The following ST6GALNAC2 variants were observed in gnomAD, a reference collection of about 807,000 sequenced individuals.
The protein encoded by ST6GALNAC2 is alpha-N-acetylgalactosaminide alpha-2,6-sialyltransferase 2.
In ST6GALNAC2, 42 loss-of-function variants were observed where a neutral mutation model predicts 38.7. That is an observed-to-expected ratio of 1.09 (90% CI 0.85 to 1.40). The LOEUF (loss-of-function observed/expected upper bound fraction) is 1.40, where lower values mean the gene tolerates loss of function less well. Among genes scored for constraint, ST6GALNAC2 ranks in the 40% most tolerant of loss-of-function variants. The pLI, the probability that ST6GALNAC2 is intolerant of heterozygous loss-of-function variation, is 0.00. For synonymous variants in ST6GALNAC2, 233 were observed against 209.0 expected, an observed-to-expected ratio of 1.11 and a Z score of -0.99; for missense variants, 506 against 481.7, an observed-to-expected ratio of 1.05 and a Z score of -0.47.
At chr17:76,584,633 G>A (rs909824298) in intron 1 of ST6GALNAC2, among the ~76,000 whole-genome samples, 16 of 152,160 alleles carry the variant, frequency 1.1e-4, no homozygotes, top group African/African-American at 3.1e-4. Flanking sequence ...TTAAGTCACC[G>A]TGGCGGGGCA....
At position 76,572,715 on chromosome 17, in the gene ST6GALNAC2, A is replaced by G. The variant is rs2143299709; in HGVS notation, c.591T>C (p.Tyr197=). ...ERDVGTKTSF[Y]GFTVNTMKNS... is the part of the protein sequence containing the mutation. ...TCTTCATCGTGTTCACAGTGAAACC[A>G]TAGAAGGAAGTCTTGGTGCCCACAT... Residue 197 remains tyrosine (Y), a synonymous_variant, in exon 5 of 9, where the codon TAT becomes TAC. Transcript: ENST00000225276. 2 of 1,614,166 alleles carry G rather than the reference A, an allele frequency of 1.2e-6. No homozygotes were observed. Among genetic ancestry groups the G allele is most frequent in the South Asian group, 1.1e-5 (1 of 91,086 alleles).
intron 6 of ST6GALNAC2, 57 bp downstream of exon 6, chr17:76,570,508 C>G: frequency 7.8e-7 from 1 of 1,279,850 alleles, no homozygotes; most frequent in East Asian, 2.4e-5. Context: ...AAGGAGATAA[C>G]CACAGTGTCC....
chr17:76,572,846 C>T (rs554121233), intron 4 of ST6GALNAC2, 71 bp from the exon 5 acceptor site: 294 of 1,571,710 alleles, frequency 1.9e-4, no homozygotes, highest in Non-Finnish European at 1.9e-5. Context: ...ATCTCCACGG[C>T]TCTGCCTGGC....
At chr17:76,569,391 G>A (rs977921635) in intron 6 of ST6GALNAC2, 3 of 394,346 alleles carry the variant, frequency 7.6e-6, no homozygotes, top group Non-Finnish European at 1.3e-5. Context: ...GAGATTTGGA[G>A]GTGGGTGGGG....
intron 6 of ST6GALNAC2, chr17:76,569,339 GGGAA>G (rs1451006203): frequency 2.5e-6 from 1 of 394,016 alleles, no homozygotes; most frequent in African/African-American, 2.1e-5. Flanking sequence ...GCGGGGGTTA[GGGAA>G]GGGTTTCGAG....
At position 76,578,823 on chromosome 17, in the gene ST6GALNAC2, G is replaced by A. The variant is rs1310077098; in HGVS notation, c.126-7C>T. 6.2e-7 allele frequency: 1 copy of A among 1,611,792 alleles called. No individual in the cohort carries two copies. The highest frequency in any genetic ancestry group is 8.5e-7 in the Non-Finnish European group (1 of 1,179,046). ...TTCAAATGATGTGGTGTCCCTGGGG[G>A]AAAAAGCAGAAAAAAGCAGGGGTCA... is the stretch of plus-strand genomic sequence containing the variant. On this transcript the variant is annotated splice_polypyrimidine_tract_variant and splice_region_variant and intron_variant, in intron 1 of 8. Transcript: ENST00000225276.
intron 1 of ST6GALNAC2, among the ~76,000 whole-genome samples, chr17:76,584,154 A>G (rs1423161114): frequency 1.3e-5 from 2 of 151,030 alleles, no homozygotes; most frequent in Non-Finnish European, 1.5e-5. Context: ...GTAATGTGTA[A>G]TAATCAAACC....
At position 76,573,063 on chromosome 17, in the gene ST6GALNAC2, A is replaced by G; in HGVS notation, c.530+132T>C. 3 of 1,047,086 alleles carry G rather than the reference A, an allele frequency of 2.9e-6. No individual in the cohort carries two copies. Among genetic ancestry groups the G allele is most frequent in the South Asian group, 1.6e-5 (1 of 61,642 alleles). The allele number at this position is 1,047,086 out of a possible 1,614,324, so 64.9% of individuals were successfully genotyped here. ...CCTACTGTTTGTTTTTGCCTTGTCCATGCCCGTGTGCTGGTCACAACTGCT... is the reference window on the plus strand; with the variant it reads ...CCTACTGTTTGTTTTTGCCTTGTCCGTGCCCGTGTGCTGGTCACAACTGCT... On this transcript the variant is annotated intron_variant, in intron 4 of 8. Transcript: ENST00000225276. The surrounding 1 kb of genome is among the most constrained non-coding windows in gnomAD (Gnocchi z 5.1).
chr17:76,585,704 C>T lies in ST6GALNAC2; in HGVS notation c.105G>A (p.Pro35=), dbSNP rs542146307. 9.7e-5 allele frequency: 149 copies of T among 1,529,656 alleles called. 2 individuals carry two copies. In the East Asian group the frequency reaches 2.3e-3, roughly 23 times the overall value. The allele number at this position is 1,529,656 out of a possible 1,614,324, so 94.8% of individuals were successfully genotyped here. A position where few individuals can be genotyped will look rare whatever the true frequency, so the allele number is the denominator to read the frequency against. The change falls in exon 1 of 9, where the codon CCG becomes CCA. Residue 35 remains proline, a synonymous_variant. Transcript: ENST00000225276. ...CCTACCTGGCTCCGGCCGCTGGCCC[C>T]GGGTACCGCTGCACCGCCGAGAAGT... The part of the protein sequence containing the change: ...ALYFSAVQRY[P]GPAAGARDTT...
chr17:76,585,570 T>G, intron 1 of ST6GALNAC2, 114 bp downstream of exon 1: 3 of 1,210,746 alleles, frequency 2.5e-6, no homozygotes, highest in Admixed American at 3.8e-5. Context: ...CCCAGAGGGG[T>G]CCACGCGGAG....
At chr17:76,584,008 C>T (rs2075512515) in intron 1 of ST6GALNAC2, among the ~76,000 whole-genome samples, 1 of 63,014 alleles carries the variant, frequency 1.6e-5, no homozygotes, top group Non-Finnish European at 3.9e-5. Flanking sequence ...CGGGGTTTCA[C>T]CGTGTTAGCC....
intron 2 of ST6GALNAC2, among the ~76,000 whole-genome samples, chr17:76,576,212 C>T (rs1304341936): frequency 1.3e-5 from 2 of 152,154 alleles, no homozygotes; most frequent in Non-Finnish European, 2.9e-5. Flanking sequence ...GACTGCACTG[C>T]AGCCTGGGCA....
chr17:76,585,569 G>A, intron 1 of ST6GALNAC2, 115 bp downstream of exon 1: 1 of 1,225,110 alleles, frequency 8.2e-7, no homozygotes, highest in Non-Finnish European at 1.1e-6. Flanking sequence ...CCCCAGAGGG[G>A]TCCACGCGGA....
At position 76,585,816 on chromosome 17, in the gene ST6GALNAC2, C is replaced by G. The variant is rs111567841; in HGVS notation, c.-8G>C. On this transcript the variant is annotated 5_prime_UTR_variant, in exon 1 of 9. Transcript: ENST00000225276. ...CCCGCGCGGGAGCCCCATACAGCCC[C>G]GGCCCGCGAGCGCCCCGTCCGCTGA... 3.9e-6 allele frequency: 6 copies of G among 1,535,550 alleles called. No individual in the cohort carries two copies. The highest frequency in any genetic ancestry group is 2.0e-5 in the Admixed American group (1 of 50,704).
chr17:76,583,240 G>A lies in ST6GALNAC2; in HGVS notation c.125+2444C>T, dbSNP rs571635599. On this transcript the variant is annotated intron_variant, in intron 1 of 8. Transcript: ENST00000225276. ...ACATACAAAAAATCAGCTGGGCATG[G>A]TGGCGGGCACCTGTAGACCCAGCTA... Among the ~76,000 whole-genome samples the A allele has an allele frequency of 3.9e-5, 6 of 152,078 alleles. No individual in the cohort carries two copies. In the South Asian group the frequency reaches 1.0e-3, roughly 26 times the overall value.
intron 8 of ST6GALNAC2, among the ~76,000 whole-genome samples, chr17:76,567,021 T>C (rs556243359): frequency 8.5e-5 from 13 of 152,296 alleles, no homozygotes; most frequent in Non-Finnish European, 1.8e-4. Flanking sequence ...AGTAGTTGCA[T>C]GTGGGAGGCT....
At chr17:76,576,977 A>G (rs1416693897) in intron 2 of ST6GALNAC2, among the ~76,000 whole-genome samples, 1 of 151,964 alleles carries the variant, frequency 6.6e-6, no homozygotes, top group Non-Finnish European at 1.5e-5. Flanking sequence ...TCTCAAAAAA[A>G]AAAAAAAATG....
chr17:76,573,433 T>C lies in ST6GALNAC2; in HGVS notation c.362-70A>G, dbSNP rs1447610194. On this transcript the variant is annotated intron_variant, in intron 3 of 8. Transcript: ENST00000225276. This position sits in a 1 kb window ranked among gnomAD's most constrained non-coding sequence, Gnocchi z 5.1. ...GGGGCACCTGGGGCCTTCCCTAGGC[T>C]GGTTCTGGTGCCCCATCTCCCCTGA... 4.3e-6 allele frequency: 6 copies of C among 1,399,502 alleles called. No homozygotes were observed. Among genetic ancestry groups the C allele is most frequent in the Non-Finnish European group, 5.6e-6 (6 of 1,065,104 alleles). 86.7% of individuals were successfully genotyped at this position (1,399,502 alleles called of 1,614,324 possible).
intron 5 of ST6GALNAC2, among the ~76,000 whole-genome samples, chr17:76,571,432 A>G (rs2075352983): frequency 6.6e-6 from 1 of 152,124 alleles, no homozygotes; most frequent in Non-Finnish European, 1.5e-5. Flanking sequence ...CATCTCCACT[A>G]AAAATACAAA....
Sources: gnomAD v4.1 joint callset for allele counts (sites outside exome capture counted in the v4.1 genomes callset) on GRCh38, gnomAD v4.1.1 for gene constraint, Gnocchi (gnomAD v3.1) non-coding constraint, MANE v1.5 for transcripts, NCBI Gene and HGNC (gene_info 2026-07-23, HGNC 2026-07-21) for gene names.